The following RBFOX1 variants were observed in gnomAD, a reference collection of about 807,000 sequenced individuals.
RBFOX1 encodes the protein RNA binding protein fox-1 homolog 1.
In RBFOX1, 8 loss-of-function variants were observed where a neutral mutation model predicts 57.7. The observed-to-expected ratio is 0.14, with a 90% CI of 0.08 to 0.25. The LOEUF (loss-of-function observed/expected upper bound fraction) is 0.25. Ranked by LOEUF, RBFOX1 falls within the 10% of genes least tolerant of loss-of-function variation. RBFOX1 has a pLI of 1.00. For synonymous variants in RBFOX1, 326 were observed against 222.4 expected (o/e 1.47, Z -4.15); for missense variants, 611 against 548.5 (o/e 1.11, Z -1.14).
At chr16:7,046,495 G>C (rs6500904) in intron 3 of RBFOX1, among the ~76,000 whole-genome samples, 123,790 of 151,946 alleles carry the variant, frequency 0.81, 51,069 homozygotes, top group African/African-American at 0.94. Flanking sequence ...AGTTCAATAC[G>C]TTAAATATAT....
chr16:5,276,762 C>T (rs1310945966), intron 1 of RBFOX1, among the ~76,000 whole-genome samples: 2 of 152,118 alleles, frequency 1.3e-5, no homozygotes, highest in Non-Finnish European at 2.9e-5. Context: ...CAGAGTGAGA[C>T]TTCATCTCAA....
chr16:5,368,863 C>G (rs1333781496), intron 1 of RBFOX1, among the ~76,000 whole-genome samples: 3 of 152,194 alleles, frequency 2.0e-5, no homozygotes, highest in African/African-American at 7.2e-5. Flanking sequence ...AGAGGCCACC[C>G]TCTGGCAATG....
At chr16:6,073,937 T>C (rs1445009828) in intron 1 of RBFOX1, among the ~76,000 whole-genome samples, 1 of 152,016 alleles carries the variant, frequency 6.6e-6, no homozygotes, top group African/African-American at 2.4e-5. Flanking sequence ...GGAGCTCACA[T>C]CAGTGTAGTG....
chr16:6,848,229 C>A (rs1282556730), intron 3 of RBFOX1, among the ~76,000 whole-genome samples: 1 of 151,962 alleles, frequency 6.6e-6, no homozygotes, highest in Non-Finnish European at 1.5e-5. Context: ...GAGCTCGGGC[C>A]CATGACCATT....
At chr16:6,333,183 T>C (rs1255427244) in intron 2 of RBFOX1, among the ~76,000 whole-genome samples, 1 of 151,984 alleles carries the variant, frequency 6.6e-6, no homozygotes, top group Non-Finnish European at 1.5e-5. Context: ...GGGACTACAG[T>C]CATGTGCCAC....
chr16:6,651,721 A>G (rs777549573), intron 2 of RBFOX1, among the ~76,000 whole-genome samples: 3 of 152,200 alleles, frequency 2.0e-5, no homozygotes, highest in Non-Finnish European at 2.9e-5. Flanking sequence ...CGCACAAAAG[A>G]CTTGAAAGCA....
chr16:5,624,073 G>T (rs1325708242), intron 3 of RBFOX1, among the ~76,000 whole-genome samples: 1 of 152,178 alleles, frequency 6.6e-6, no homozygotes, highest in Non-Finnish European at 1.5e-5. Context: ...TTACAGAAGA[G>T]CAAATAAGGG....
intron 2 of RBFOX1, among the ~76,000 whole-genome samples, chr16:6,599,333 A>G (rs1460615205): frequency 1.6e-4 from 25 of 152,098 alleles, no homozygotes; most frequent in Admixed American, 1.6e-3. Context: ...GGGTCCTCTA[A>G]TGGTTGTGCG....
intron 4 of RBFOX1, among the ~76,000 whole-genome samples, chr16:7,477,411 CG>C (rs895034176): frequency 6.6e-6 from 1 of 152,016 alleles, no homozygotes; most frequent in African/African-American, 2.4e-5. Context: ...CGTGGGGGGT[CG>C]GGGGGTGGTT....
intron 2 of RBFOX1, among the ~76,000 whole-genome samples, chr16:6,399,313 C>T (rs563968220): frequency 2.8e-4 from 42 of 152,340 alleles, no homozygotes; most frequent in African/African-American, 1.0e-3. Context: ...AACATTTTCC[C>T]CATTGTCTTG....
intron 3 of RBFOX1, among the ~76,000 whole-genome samples, chr16:6,767,938 TAATAATAATAAGAAGAAGAAGAAGAAG>T (rs1377013770): frequency 2.4e-5 from 2 of 84,814 alleles, no homozygotes; most frequent in African/African-American, 1.3e-4. Context: ...ATAATAATAA[TAATAATAATAAGAAGAAGAAGAAGAAG>T]AAGAAGAAGA....
chr16:6,534,270 T>C (rs1297628862), intron 2 of RBFOX1, among the ~76,000 whole-genome samples: 1 of 152,028 alleles, frequency 6.6e-6, no homozygotes, highest in Non-Finnish European at 1.5e-5. Flanking sequence ...TGTGTGTGTG[T>C]GTGTGTGTGC....
intron 3 of RBFOX1, among the ~76,000 whole-genome samples, chr16:6,944,573 C>CA (rs2079136330): frequency 6.6e-6 from 1 of 152,202 alleles, no homozygotes; most frequent in Middle Eastern, 3.4e-3. Flanking sequence ...GAAATGTGTA[C>CA]ATTAAGAGAC....
chr16:6,470,791 A>C (rs1597709934), intron 2 of RBFOX1, among the ~76,000 whole-genome samples: 1 of 151,928 alleles, frequency 6.6e-6, no homozygotes, highest in Non-Finnish European at 1.5e-5. Context: ...ACTTGTTTTT[A>C]TCCTTTTTTT....
rs76052938 is a variant in RBFOX1 at position 6,835,066 on chromosome 16, T to C, written c.-16+180416T>C. On this transcript the variant is annotated intron_variant, in intron 3 of 15. Transcript: ENST00000550418. ...CAACACCATGCCCCGGCTAATTTTT[T>C]ATATTTTTTAGTAGAGACGGGTTAG... Among the ~76,000 whole-genome samples the C allele has an allele frequency of 3.5e-3, 531 of 152,152 alleles. 14 individuals are homozygous for C. The East Asian group carries it at 0.075, about 22-fold the overall frequency.
chr16:6,505,298 C>G (rs957796885), intron 2 of RBFOX1, among the ~76,000 whole-genome samples: 1 of 151,998 alleles, frequency 6.6e-6, no homozygotes, highest in Non-Finnish European at 1.5e-5. Context: ...TCATTTTCAC[C>G]CTGATATTCA....
intron 1 of RBFOX1, among the ~76,000 whole-genome samples, chr16:5,442,627 G>T (rs1311262942): frequency 6.6e-6 from 1 of 152,138 alleles, no homozygotes; most frequent in Non-Finnish European, 1.5e-5. Context: ...AAACCAATTG[G>T]GCTTGGGAAG....
chr16:5,313,039 A>G (rs527362661), intron 1 of RBFOX1, among the ~76,000 whole-genome samples: 12 of 151,844 alleles, frequency 7.9e-5, no homozygotes, highest in African/African-American at 2.7e-4. Flanking sequence ...ATGAGATGTA[A>G]TTCCATTTTG....
chr16:7,052,222 G>A, intron 4 of RBFOX1, 124 bp downstream of exon 4: 1 of 1,390,054 alleles, frequency 7.2e-7, no homozygotes, highest in South Asian at 1.6e-5. Context: ...TGGTAGAGTT[G>A]AAAATATTTA....
Sources: allele counts gnomAD v4.1 joint callset (sites outside exome capture counted in the v4.1 genomes callset), GRCh38; gene constraint gnomAD v4.1.1; transcripts MANE v1.5; gene names NCBI Gene and HGNC (gene_info 2026-07-23, HGNC 2026-07-21).